GALNT10: variants seen among roughly 807,000 people sequenced by gnomAD.
GALNT10 encodes GalNAc transferase 10.
A neutral mutation model predicts 75.0 loss-of-function variants in GALNT10; 41 were observed. The ratio of observed to expected loss-of-function variants is 0.55; its 90% CI spans 0.43 to 0.71. The LOEUF (loss-of-function observed/expected upper bound fraction) is 0.71, where lower values mean the gene tolerates loss of function less well. GALNT10 is among the 30% of genes least tolerant of loss of function. The pLI is 0.00. For missense variants in GALNT10, 727 were observed against 818.5 expected (o/e 0.89, Z 1.36); for synonymous variants, 302 against 313.0 (o/e 0.96, Z 0.37).
intron 4 of GALNT10, among the ~76,000 whole-genome samples, chr5:154,335,559 G>A (rs1006448963): frequency 1.3e-5 from 2 of 152,220 alleles, no homozygotes; most frequent in Non-Finnish European, 2.9e-5. Flanking sequence ...TGTGGGAAAT[G>A]CAGGAAGAGC....
At chr5:154,326,953 A>G (rs1399890248) in intron 3 of GALNT10, among the ~76,000 whole-genome samples, 2 of 152,246 alleles carry the variant, frequency 1.3e-5, no homozygotes, top group African/African-American at 2.4e-5. Context: ...AAACTCAGTA[A>G]TTCTATATGT....
chr5:154,258,625 G>T (rs1296520529), intron 1 of GALNT10, among the ~76,000 whole-genome samples: 1 of 152,116 alleles, frequency 6.6e-6, no homozygotes, highest in Non-Finnish European at 1.5e-5. Flanking sequence ...CACGGATGTG[G>T]GCTTTCTATG....
Position 154,208,152 on chromosome 5 carries a change from TG to T in GALNT10, c.159+17128del, listed in dbSNP as rs761018522. Among the ~76,000 whole-genome samples the T allele has an allele frequency of 1.5e-4, 23 of 152,346 alleles. No homozygotes were observed. In the South Asian group the frequency reaches 2.7e-3, roughly 18 times the overall value. On this transcript the variant is annotated intron_variant, in intron 1 of 11. Coordinates refer to ENST00000297107, the MANE Select transcript of GALNT10 (RefSeq NM_198321.4). ...TGTCATTTATCCAGCAGTTTTTGAC[TG>T]AACACTGCACATGCCCCAGGCTGGT... is the stretch of plus-strand genomic sequence containing the variant.
In GALNT10 at chr5:154,377,010, C is replaced by G. The variant is rs562950009; in HGVS notation, c.754+548C>G. Among the ~76,000 whole-genome samples, 134 of 152,328 alleles carry G rather than the reference C, an allele frequency of 8.8e-4. 2 individuals carry two copies. The highest frequency in any genetic ancestry group is 6.0e-4 in the Non-Finnish European group (41 of 68,016). On this transcript the variant is annotated intron_variant, in intron 5 of 11. Transcript: ENST00000297107. ...CATAAGTGTCAAAGTCACCATCTGT[C>G]GGGCTCCAAAGTCTATTCTCCTTCG... is the stretch of plus-strand genomic sequence containing the variant.
intron 1 of GALNT10, among the ~76,000 whole-genome samples, chr5:154,272,448 A>AT (rs11456366): frequency 0.25 from 37,326 of 151,730 alleles, 5,588 homozygotes; most frequent in African/African-American, 0.43. Flanking sequence ...GAACTAGGCT[A>AT]TGGATAACAG....
At position 154,416,251 on chromosome 5, in the gene GALNT10, C is replaced by T. The variant is rs1166774000; in HGVS notation, c.1653+319C>T. 6.6e-6 allele frequency among the ~76,000 whole-genome samples: 1 copy of T among 151,746 alleles called. No individual in the cohort carries two copies. Among genetic ancestry groups the T allele is most frequent in the Non-Finnish European group, 1.5e-5 (1 of 67,946 alleles). ...GGTCAGGAGTTCGAGACTAGCCTGG[C>T]CAACATGGTGAAACCCCGTCTCTAT... On this transcript the variant is annotated intron_variant, in intron 11 of 11. Coordinates refer to ENST00000297107, the MANE Select transcript of GALNT10 (RefSeq NM_198321.4). This position sits in a 1 kb window ranked among gnomAD's most constrained non-coding sequence, Gnocchi z 4.5.
chr5:154,348,759 C>G (rs1755164333), intron 4 of GALNT10, among the ~76,000 whole-genome samples: 1 of 152,102 alleles, frequency 6.6e-6, no homozygotes, highest in Admixed American at 6.6e-5. Flanking sequence ...ATCCTAGGAC[C>G]CTATGATGAC....
intron 4 of GALNT10, among the ~76,000 whole-genome samples, chr5:154,330,201 G>A (rs1332346237): frequency 1.3e-5 from 2 of 152,244 alleles, no homozygotes; most frequent in Admixed American, 1.3e-4. Context: ...AGGGAAAAGG[G>A]TGGAGAGCAA....
intron 4 of GALNT10, among the ~76,000 whole-genome samples, chr5:154,362,958 T>C (rs1383284338): frequency 6.6e-6 from 1 of 152,220 alleles, no homozygotes; most frequent in African/African-American, 2.4e-5. Flanking sequence ...CCCAGTGTTC[T>C]AACCTACCAA....
intron 4 of GALNT10, among the ~76,000 whole-genome samples, chr5:154,330,582 C>G (rs1482757888): frequency 6.6e-6 from 1 of 152,150 alleles, no homozygotes; most frequent in Admixed American, 6.5e-5. Context: ...GAGTCTTACC[C>G]TGTGGAATAA....
At chr5:154,205,564 A>G (rs1415835463) in intron 1 of GALNT10, among the ~76,000 whole-genome samples, 1 of 152,192 alleles carries the variant, frequency 6.6e-6, no homozygotes, top group East Asian at 1.9e-4. Flanking sequence ...TGTCTCTCAA[A>G]AAGATACGGC....
At chr5:154,380,766 G>A in intron 6 of GALNT10, 135 bp downstream of exon 6, 2 of 605,490 alleles carry the variant, frequency 3.3e-6, no homozygotes, top group South Asian at 4.2e-5. Context: ...TTAGTACCAA[G>A]TGTCAGATAT....
intron 1 of GALNT10, among the ~76,000 whole-genome samples, chr5:154,229,846 A>G (rs1001263947): frequency 6.6e-6 from 1 of 152,248 alleles, no homozygotes; most frequent in Admixed American, 6.5e-5. Context: ...CATTTGATAA[A>G]CAAAGTGAAT....
At chr5:154,363,605 G>A (rs764285441) in intron 4 of GALNT10, among the ~76,000 whole-genome samples, 59 of 150,952 alleles carry the variant, frequency 3.9e-4, no homozygotes, top group Non-Finnish European at 5.6e-4. Context: ...TGCATTTGCT[G>A]CATGTGTGAT....
chr5:154,361,213 G>A (rs1755381405), intron 4 of GALNT10, among the ~76,000 whole-genome samples: 1 of 152,094 alleles, frequency 6.6e-6, no homozygotes, highest in African/African-American at 2.4e-5. Flanking sequence ...CTAGAGAGCT[G>A]CTGCTGATCT....
intron 1 of GALNT10, among the ~76,000 whole-genome samples, chr5:154,261,830 A>G (rs754573970): frequency 2.0e-5 from 3 of 152,216 alleles, no homozygotes; most frequent in Admixed American, 6.5e-5. Context: ...CGATTGTGCC[A>G]TCAGGGTCTA....
At chr5:154,308,904 G>A (rs998155550) in intron 3 of GALNT10, among the ~76,000 whole-genome samples, 4 of 152,168 alleles carry the variant, frequency 2.6e-5, no homozygotes, top group Admixed American at 6.5e-5. Context: ...CTAGGTCCTA[G>A]GGAATCAGCA....
chr5:154,417,981 T>C lies in GALNT10; in HGVS notation c.*1009T>C, dbSNP rs1486834167. 3 of 152,182 alleles carry C rather than the reference T, an allele frequency of 2.0e-5. No individual in the cohort carries two copies. The highest frequency in any genetic ancestry group is 2.0e-4 in the Admixed American group (3 of 15,284). The allele number at this position is 152,182 out of a possible 1,614,324, so 9.4% of individuals were successfully genotyped here. On this transcript the variant is annotated 3_prime_UTR_variant, in exon 12 of 12. Coordinates refer to ENST00000297107, the MANE Select transcript of GALNT10 (RefSeq NM_198321.4). ...GTGCCTGCCTCTGACCTCATCATGG[T>C]TCTAGTTCTCATACAGAACTCCAGA... is the stretch of plus-strand genomic sequence containing the variant.
At position 154,404,193 on chromosome 5, in the gene GALNT10, C is replaced by T. The variant is rs6580076; in HGVS notation, c.1146C>T (p.Ala382=). The change falls in exon 8 of 12, where the codon GCC becomes GCT. Residue 382 remains alanine, a synonymous_variant. Coordinates refer to ENST00000297107, the MANE Select transcript of GALNT10 (RefSeq NM_198321.4). ...YRKYVPYKVP[A]GVSLARNLKR... ...AGTATGTGCCCTACAAGGTCCCGGC[C>T]GGAGTCAGCCTGGCCCGGGTAAGGT... 0.19 allele frequency: 304,609 copies of T among 1,600,216 alleles called. 33,545 individuals are homozygous for T. Among genetic ancestry groups the T allele is most frequent in the African/African-American group, 0.45 (33,564 of 74,774 alleles).
Sources: allele counts gnomAD v4.1 joint callset (sites outside exome capture counted in the v4.1 genomes callset), GRCh38; gene constraint gnomAD v4.1.1; non-coding constraint Gnocchi (gnomAD v3.1); transcripts MANE v1.5; gene names NCBI Gene and HGNC (gene_info 2026-07-23, HGNC 2026-07-21).